Variants in C13orf42 observed in about 807,000 individuals in gnomAD.
C13orf42 encodes the protein uncharacterized protein C13orf42.
intron 1 of C13orf42, among the ~76,000 whole-genome samples, chr13:51,098,409 G>A (rs748858866): frequency 1.3e-5 from 2 of 151,958 alleles, no homozygotes; most frequent in African/African-American, 4.8e-5. Context: ...CATCTCCTCA[G>A]AGGGTCAACT....
intron 1 of C13orf42, among the ~76,000 whole-genome samples, chr13:51,091,244 G>A (rs930748430): frequency 1.3e-5 from 2 of 152,264 alleles, no homozygotes; most frequent in Non-Finnish European, 2.9e-5. Context: ...AAGATCTTTT[G>A]GATCCTGCTG....
chr13:51,107,647 G>A (rs535386704), intron 1 of C13orf42, among the ~76,000 whole-genome samples: 1 of 152,238 alleles, frequency 6.6e-6, no homozygotes, highest in South Asian at 2.1e-4. Context: ...TATGGAGGCC[G>A]GCTCTCCCCT....
intron 1 of C13orf42, among the ~76,000 whole-genome samples, chr13:51,170,605 C>T (rs7330534): frequency 0.036 from 5,409 of 152,228 alleles, 112 homozygotes; most frequent in South Asian, 0.041. Flanking sequence ...ACAAAAGAGA[C>T]ATGTTTTATC....
At chr13:51,142,630 T>A (rs1953704272) in intron 1 of C13orf42, among the ~76,000 whole-genome samples, 1 of 120,838 alleles carries the variant, frequency 8.3e-6, no homozygotes. Flanking sequence ...AAGAAGTGTG[T>A]CCTTTTTTAT....
At chr13:51,159,940 C>A (rs1453159131) in intron 1 of C13orf42, among the ~76,000 whole-genome samples, 1 of 152,136 alleles carries the variant, frequency 6.6e-6, no homozygotes, top group East Asian at 1.9e-4. Context: ...ATACTTCTTA[C>A]GTGGCAGCAG....
At chr13:51,094,425 TG>T (rs770614775) in intron 1 of C13orf42, among the ~76,000 whole-genome samples, 11 of 152,240 alleles carry the variant, frequency 7.2e-5, no homozygotes, top group Non-Finnish European at 1.3e-4. Flanking sequence ...TCCCACACTT[TG>T]TATTATTGCT....
intron 1 of C13orf42, among the ~76,000 whole-genome samples, chr13:51,094,768 A>G (rs1175883516): frequency 1.3e-5 from 2 of 152,134 alleles, no homozygotes; most frequent in African/African-American, 4.8e-5. Context: ...GTTGATAAGT[A>G]TTATTTTTCT....
chr13:51,147,874 C>T (rs539442478), intron 1 of C13orf42, among the ~76,000 whole-genome samples: 1 of 152,282 alleles, frequency 6.6e-6, no homozygotes, highest in African/African-American at 2.4e-5. Flanking sequence ...CAGGGAGGAA[C>T]GGGTCTGTGG....
chr13:51,109,599 T>C (rs9596454), intron 1 of C13orf42, among the ~76,000 whole-genome samples: 1 of 151,180 alleles, frequency 6.6e-6, no homozygotes, highest in East Asian at 1.9e-4. Flanking sequence ...AAAAAAAAAA[T>C]TTTAATTAGC....
chr13:51,105,794 T>A (rs1010156843), intron 1 of C13orf42, among the ~76,000 whole-genome samples: 8 of 152,200 alleles, frequency 5.3e-5, no homozygotes, highest in African/African-American at 1.9e-4. Flanking sequence ...GAATCTTGTA[T>A]GTTATACAAG....
In C13orf42 at chr13:51,128,537, G is replaced by A. The variant is rs543942199; in HGVS notation, n.137-15315C>T. ...CTCTCCTAAGACAGAATGGGCTAAAGGCCCCACTCAATAAAAGGCAAGGAC... is the reference window on the plus strand; with the variant it reads ...CTCTCCTAAGACAGAATGGGCTAAAAGCCCCACTCAATAAAAGGCAAGGAC... On this transcript the variant is annotated intron_variant and non_coding_transcript_variant, in intron 1 of 4. Transcript: ENST00000433280. Among the ~76,000 whole-genome samples the A allele has an allele frequency of 2.6e-5, 4 of 152,296 alleles. No homozygotes were observed. In the East Asian group the frequency reaches 7.7e-4, roughly 29 times the overall value.
chr13:51,104,986 G>A (rs997063049), intron 1 of C13orf42, among the ~76,000 whole-genome samples: 6 of 152,168 alleles, frequency 3.9e-5, no homozygotes, highest in Admixed American at 2.0e-4. Context: ...GGGAGCAATC[G>A]GCTGTCTAAC....
intron 1 of C13orf42, among the ~76,000 whole-genome samples, chr13:51,096,236 TG>T (rs1566124520): frequency 6.6e-6 from 1 of 152,194 alleles, no homozygotes; most frequent in Non-Finnish European, 1.5e-5. Context: ...TCCTCACTTT[TG>T]CCCCTCTGTT....
At chr13:51,092,095 C>T (rs1217075532) in intron 1 of C13orf42, among the ~76,000 whole-genome samples, 1 of 152,202 alleles carries the variant, frequency 6.6e-6, no homozygotes, top group Non-Finnish European at 1.5e-5. Context: ...ACAAAACATC[C>T]TGGCATGCTC....
intron 1 of C13orf42, among the ~76,000 whole-genome samples, chr13:51,121,924 ATAAT>A (rs1285962130): frequency 6.6e-6 from 1 of 152,232 alleles, no homozygotes; most frequent in Non-Finnish European, 1.5e-5. Context: ...TCTTAGAGCA[ATAAT>A]TAATAATGTA....
At chr13:51,085,197 A>G (rs1280865756) in intron 3 of C13orf42, 122 bp downstream of exon 3, 4 of 230,830 alleles carry the variant, frequency 1.7e-5, no homozygotes, top group Non-Finnish European at 3.2e-5. Flanking sequence ...ATATATATAT[A>G]TATATATATA....
chr13:51,107,956 G>A (rs1363329891), intron 1 of C13orf42, among the ~76,000 whole-genome samples: 2 of 152,162 alleles, frequency 1.3e-5, no homozygotes, highest in Non-Finnish European at 2.9e-5. Context: ...CACAAACTGG[G>A]TAGCTTCTGT....
chr13:51,165,847 A>T (rs1268798777), intron 1 of C13orf42, among the ~76,000 whole-genome samples: 1 of 152,234 alleles, frequency 6.6e-6, no homozygotes, highest in East Asian at 1.9e-4. Flanking sequence ...GGAAAATGAG[A>T]TATAAAACTA....
chr13:51,102,686 T>C lies in C13orf42; in HGVS notation c.414+8110A>G, dbSNP rs1953306666. ...ATGAGAGAATTAATGAGGTTTCCTC[T>C]GACTGTGGTGAGTGACCAGTATATT... On this transcript the variant is annotated intron_variant, in intron 1 of 3. Coordinates refer to ENST00000563710, the MANE Select transcript of C13orf42 (RefSeq NM_001351589.3). Among the ~76,000 whole-genome samples, 5 of 152,330 alleles carry C rather than the reference T, an allele frequency of 3.3e-5. No homozygotes were observed. The South Asian group carries it at 8.3e-4, about 25-fold the overall frequency.
Sources: gnomAD v4.1 joint callset for allele counts (sites outside exome capture counted in the v4.1 genomes callset) on GRCh38, gnomAD v4.1.1 for gene constraint, MANE v1.5 for transcripts, NCBI Gene and HGNC (gene_info 2026-07-23, HGNC 2026-07-21) for gene names.